PDE4D: variants seen among roughly 807,000 people sequenced by gnomAD.
PDE4D encodes the protein phosphodiesterase 4D.
Under a neutral mutation model 87.4 loss-of-function variants are expected in PDE4D, and 24 were observed. That is an observed-to-expected ratio of 0.27 (90% CI 0.20 to 0.39). The LOEUF (loss-of-function observed/expected upper bound fraction) is 0.39. Ranked by LOEUF, PDE4D falls within the 10% of genes least tolerant of loss-of-function variation. The probability of loss-of-function intolerance (pLI) is 1.00; values close to 1 mark genes in which losing one functional copy is unlikely to be tolerated. For synonymous variants in PDE4D, 384 were observed against 383.2 expected (o/e 1.00, Z -0.02); for missense variants, 714 against 1,041.0 (o/e 0.69, Z 4.32).
intron 1 of PDE4D, among the ~76,000 whole-genome samples, chr5:59,684,972 C>T (rs1224897861): frequency 6.6e-6 from 1 of 152,170 alleles, no homozygotes; most frequent in Non-Finnish European, 1.5e-5. Flanking sequence ...TTATATTCCT[C>T]TACAAGGGCA....
At chr5:60,235,440 C>G (rs79242055) in intron 1 of PDE4D, among the ~76,000 whole-genome samples, 2 of 151,860 alleles carry the variant, frequency 1.3e-5, no homozygotes, top group African/African-American at 4.8e-5. Flanking sequence ...TTGCTCCCAA[C>G]CACTATGAAC....
chr5:59,109,743 GA>G (rs1469289201), intron 5 of PDE4D, among the ~76,000 whole-genome samples: 10 of 152,286 alleles, frequency 6.6e-5, no homozygotes. Flanking sequence ...AGAAGTAAGA[GA>G]AGTAAAATTA....
intron 1 of PDE4D, among the ~76,000 whole-genome samples, chr5:60,517,375 C>T (rs986728837): frequency 1.3e-5 from 2 of 152,232 alleles, no homozygotes; most frequent in South Asian, 2.1e-4. Flanking sequence ...TGAAGCCCCA[C>T]CGTTAGGCCT....
intron 1 of PDE4D, among the ~76,000 whole-genome samples, chr5:60,296,437 CA>C (rs75208064): frequency 4.0e-5 from 6 of 150,214 alleles, no homozygotes; most frequent in African/African-American, 9.8e-5. Flanking sequence ...AGCTATTATT[CA>C]AAAAAAAATG....
At chr5:59,083,214 T>C (rs1767078018) in intron 5 of PDE4D, among the ~76,000 whole-genome samples, 1 of 152,110 alleles carries the variant, frequency 6.6e-6, no homozygotes, top group Admixed American at 6.6e-5. Context: ...ATCTTGCTGA[T>C]GAGAAGTTTG....
At chr5:59,420,809 T>C (rs1235561117) in intron 1 of PDE4D, among the ~76,000 whole-genome samples, 1 of 152,040 alleles carries the variant, frequency 6.6e-6, no homozygotes, top group African/African-American at 2.4e-5. Context: ...CAGTATCATA[T>C]GAATCATCTT....
chr5:59,827,783 A>G (rs1379388060), intron 1 of PDE4D, among the ~76,000 whole-genome samples: 2 of 152,130 alleles, frequency 1.3e-5, no homozygotes, highest in East Asian at 1.9e-4. Flanking sequence ...TGATCTCCAC[A>G]AAATGCCCTC....
intron 5 of PDE4D, among the ~76,000 whole-genome samples, chr5:59,059,836 T>C (rs1762874580): frequency 6.6e-6 from 1 of 152,126 alleles, no homozygotes; most frequent in South Asian, 2.1e-4. Flanking sequence ...ATATTTAAAA[T>C]GTATGCAGGA....
intron 1 of PDE4D, among the ~76,000 whole-genome samples, chr5:59,333,358 A>G (rs1045355187): frequency 1.3e-5 from 2 of 152,178 alleles, no homozygotes; most frequent in Non-Finnish European, 2.9e-5. Context: ...GGGAAGTTAC[A>G]TTAAAAATTA....
chr5:59,906,788 A>T (rs929465369), intron 3 of PDE4D, among the ~76,000 whole-genome samples: 15 of 152,144 alleles, frequency 9.9e-5, no homozygotes, highest in Non-Finnish European at 1.9e-4. Context: ...ATGGGAGTGT[A>T]AATTAGTTCA....
At chr5:59,769,465 G>C (rs1008385773) in intron 1 of PDE4D, among the ~76,000 whole-genome samples, 1 of 152,294 alleles carries the variant, frequency 6.6e-6, no homozygotes, top group East Asian at 1.9e-4. Context: ...AACTATAAGA[G>C]GGTGGAATAC....
intron 1 of PDE4D, among the ~76,000 whole-genome samples, chr5:59,786,516 T>C (rs776304836): frequency 6.6e-6 from 1 of 152,224 alleles, no homozygotes; most frequent in Non-Finnish European, 1.5e-5. Context: ...CCTGAGGCTA[T>C]CCGAGTGATG....
chr5:59,475,849 G>A (rs993205172), intron 1 of PDE4D, among the ~76,000 whole-genome samples: 2 of 151,990 alleles, frequency 1.3e-5, no homozygotes, highest in Non-Finnish European at 2.9e-5. Context: ...GGAAATTAGA[G>A]GGCAGGCTTG....
intron 1 of PDE4D, among the ~76,000 whole-genome samples, chr5:59,288,410 A>G (rs1368960581): frequency 6.6e-6 from 1 of 151,924 alleles, no homozygotes; most frequent in African/African-American, 2.4e-5. Flanking sequence ...GAGAAGACAA[A>G]AGAAAAAATA....
At chr5:59,433,797 A>G (rs1444527478) in intron 1 of PDE4D, among the ~76,000 whole-genome samples, 1 of 152,094 alleles carries the variant, frequency 6.6e-6, no homozygotes, top group Non-Finnish European at 1.5e-5. Flanking sequence ...CTCACATGAA[A>G]GCATCTGGAA....
intron 6 of PDE4D, among the ~76,000 whole-genome samples, chr5:59,026,086 T>C (rs148774787): frequency 3.3e-5 from 5 of 152,354 alleles, no homozygotes; most frequent in African/African-American, 1.2e-4. Flanking sequence ...GGGAAAGTAT[T>C]CAGTTATGTC....
At chr5:60,437,039 G>A (rs1360813244) in intron 1 of PDE4D, among the ~76,000 whole-genome samples, 11 of 152,068 alleles carry the variant, frequency 7.2e-5, no homozygotes, top group Admixed American at 7.2e-4. Context: ...CACTCTAGAT[G>A]TGTGACCTCA....
intron 1 of PDE4D, among the ~76,000 whole-genome samples, chr5:59,246,556 G>T (rs1403060789): frequency 1.3e-5 from 2 of 152,042 alleles, no homozygotes; most frequent in Non-Finnish European, 2.9e-5. Context: ...TAATAAATCT[G>T]ATGTAAAAAC....
intron 1 of PDE4D, among the ~76,000 whole-genome samples, chr5:59,409,487 T>G (rs1792286820): frequency 6.6e-6 from 1 of 152,154 alleles, no homozygotes; most frequent in Non-Finnish European, 1.5e-5. Flanking sequence ...GCGTGGTGTC[T>G]GGGTCATGTG....
Sources: gnomAD v4.1 joint callset for allele counts (sites outside exome capture counted in the v4.1 genomes callset) on GRCh38, gnomAD v4.1.1 for gene constraint, MANE v1.5 for transcripts, NCBI Gene and HGNC (gene_info 2026-07-23, HGNC 2026-07-21) for gene names.